The following CADM2 variants were observed in gnomAD, a reference collection of about 807,000 sequenced individuals.
CADM2 encodes the protein immunoglobulin superfamily member 4D.
In CADM2, 12 loss-of-function variants were observed where a neutral mutation model predicts 49.8. The observed-to-expected ratio is 0.24, with a 90% CI of 0.15 to 0.39. The LOEUF (loss-of-function observed/expected upper bound fraction) is 0.39. Ranked by LOEUF, CADM2 falls within the 10% of genes least tolerant of loss-of-function variation. The pLI, the probability that CADM2 is intolerant of heterozygous loss-of-function variation, is 1.00. For synonymous variants in CADM2, 214 were observed against 175.4 expected (o/e 1.22, Z -1.74); for missense variants, 378 against 492.3 (o/e 0.77, Z 2.20).
At chr3:85,240,117 A>C (rs77036893) in intron 1 of CADM2, among the ~76,000 whole-genome samples, 10,552 of 151,538 alleles carry the variant, frequency 0.07, 476 homozygotes, top group Non-Finnish European at 0.11. Context: ...CTTTGTTACC[A>C]GATTCAAGTG....
chr3:85,650,690 C>T (rs1013669438), intron 1 of CADM2, among the ~76,000 whole-genome samples: 3 of 151,522 alleles, frequency 2.0e-5, no homozygotes, highest in Non-Finnish European at 4.4e-5. Context: ...TTTAATAAGC[C>T]CATGAGCCCT....
chr3:85,315,407 G>A (rs1217953812), intron 1 of CADM2, among the ~76,000 whole-genome samples: 29 of 151,816 alleles, frequency 1.9e-4, no homozygotes, highest in Admixed American at 1.8e-3. Context: ...TATTGTTTTG[G>A]GTGACATAAT....
At chr3:86,043,380 A>G (rs922658215) in intron 8 of CADM2, among the ~76,000 whole-genome samples, 21 of 152,232 alleles carry the variant, frequency 1.4e-4, no homozygotes, top group African/African-American at 5.1e-4. Context: ...ACTTCAGAAA[A>G]GTCTCAGGAT....
At chr3:85,464,346 C>T (rs1216519833) in intron 1 of CADM2, among the ~76,000 whole-genome samples, 1 of 152,062 alleles carries the variant, frequency 6.6e-6, no homozygotes, top group Non-Finnish European at 1.5e-5. Context: ...TGCTTAGAGA[C>T]ATTTAATGAA....
At chr3:85,392,562 C>A (rs1325956074) in intron 1 of CADM2, among the ~76,000 whole-genome samples, 1 of 152,040 alleles carries the variant, frequency 6.6e-6, no homozygotes, top group Admixed American at 6.6e-5. Flanking sequence ...CCTCCTAATT[C>A]TAATAACACT....
intron 8 of CADM2, among the ~76,000 whole-genome samples, chr3:86,018,654 T>G (rs1445029700): frequency 6.6e-6 from 1 of 152,216 alleles, no homozygotes; most frequent in Non-Finnish European, 1.5e-5. Flanking sequence ...TTCATGTGTT[T>G]TTTGGCTGCA....
intron 1 of CADM2, among the ~76,000 whole-genome samples, chr3:85,158,304 C>T (rs892716671): frequency 6.6e-6 from 1 of 152,156 alleles, no homozygotes; most frequent in Non-Finnish European, 1.5e-5. Context: ...GGATCTAGAA[C>T]TAGAAATGCC....
chr3:85,933,230 T>C (rs6769012), intron 6 of CADM2, among the ~76,000 whole-genome samples: 105,491 of 150,818 alleles, frequency 0.7, 38,359 homozygotes, highest in African/African-American at 0.92. Context: ...ACCCCCACCC[T>C]CAGGAGCAGT....
At chr3:85,829,795 A>G (rs1282685853) in intron 3 of CADM2, among the ~76,000 whole-genome samples, 1 of 151,880 alleles carries the variant, frequency 6.6e-6, no homozygotes, top group Non-Finnish European at 1.5e-5. Flanking sequence ...GACTTACTTC[A>G]CTTAGCGTAA....
At chr3:85,870,176 T>C (rs139422514) in intron 3 of CADM2, among the ~76,000 whole-genome samples, 2 of 152,126 alleles carry the variant, frequency 1.3e-5, no homozygotes, top group South Asian at 4.1e-4. Flanking sequence ...ATATCTTGAA[T>C]AGGTAGATGC....
chr3:85,840,874 A>G lies in CADM2; in HGVS notation c.238+38678A>G, dbSNP rs142260340. On this transcript the variant is annotated intron_variant, in intron 3 of 9. Transcript: ENST00000383699. Reference sequence around the variant, plus strand: ...ATGTGACTTGAATTGTAAACTGGGCATATGTAGGGACTTAAAACTTCTAAA... The same window carrying G: ...ATGTGACTTGAATTGTAAACTGGGCGTATGTAGGGACTTAAAACTTCTAAA... Among the ~76,000 whole-genome samples, 206 of 151,954 alleles carry G rather than the reference A, an allele frequency of 1.4e-3. 1 individual carries two copies. Among genetic ancestry groups the G allele is most frequent in the Admixed American group, 6.2e-3 (95 of 15,208 alleles).
chr3:85,040,387 GTCTA>G (rs1433418812), intron 1 of CADM2, among the ~76,000 whole-genome samples: 4 of 152,282 alleles, frequency 2.6e-5, no homozygotes, highest in African/African-American at 9.6e-5. Flanking sequence ...TAATCAACAA[GTCTA>G]TCTTTGTTCC....
intron 1 of CADM2, among the ~76,000 whole-genome samples, chr3:85,110,546 A>G (rs992080698): frequency 1.3e-5 from 2 of 151,950 alleles, no homozygotes; most frequent in Non-Finnish European, 2.9e-5. Context: ...TATAGTGCAA[A>G]GGTACAAATC....
Position 85,779,890 on chromosome 3 carries a change from C to T in CADM2, c.89-22157C>T, listed in dbSNP as rs138013328. Among the ~76,000 whole-genome samples, 432 of 151,990 alleles carry T rather than the reference C, an allele frequency of 2.8e-3. 1 individual carries two copies. Among genetic ancestry groups the T allele is most frequent in the African/African-American group, 1.0e-2 (413 of 41,462 alleles). On this transcript the variant is annotated intron_variant, in intron 2 of 9. Coordinates refer to ENST00000383699, the MANE Select transcript of CADM2 (RefSeq NM_001167675.2). ...TTTATCTACTTAGTTATTTTAAATA[C>T]GAAAGGAGCTAGGTAGGTAGTACAA...
intron 1 of CADM2, among the ~76,000 whole-genome samples, chr3:85,335,775 G>A (rs1468886084): frequency 6.6e-6 from 1 of 151,432 alleles, no homozygotes; most frequent in Non-Finnish European, 1.5e-5. Context: ...TGTAATTCTT[G>A]AATGGTTTAC....
intron 1 of CADM2, among the ~76,000 whole-genome samples, chr3:85,391,105 T>G (rs2034496816): frequency 6.6e-6 from 1 of 152,074 alleles, no homozygotes; most frequent in Non-Finnish European, 1.5e-5. Context: ...TTACCTCCAA[T>G]GAAGTACTTA....
At chr3:85,971,772 A>T (rs1263936337) in intron 8 of CADM2, among the ~76,000 whole-genome samples, 1 of 151,714 alleles carries the variant, frequency 6.6e-6, no homozygotes, top group Non-Finnish European at 1.5e-5. Flanking sequence ...AATGTAAAAA[A>T]GTATTATAAA....
intron 1 of CADM2, among the ~76,000 whole-genome samples, chr3:85,122,951 T>C (rs2038915830): frequency 6.6e-6 from 1 of 152,074 alleles, no homozygotes; most frequent in Non-Finnish European, 1.5e-5. Flanking sequence ...TTCACCTCTA[T>C]CCTCTTCATG....
intron 1 of CADM2, among the ~76,000 whole-genome samples, chr3:85,256,820 A>T (rs1319638215): frequency 2.6e-5 from 4 of 152,114 alleles, no homozygotes; most frequent in African/African-American, 4.8e-5. Flanking sequence ...CAATGTACAA[A>T]CAGTTATATT....
Sources: allele counts gnomAD v4.1 joint callset (sites outside exome capture counted in the v4.1 genomes callset), GRCh38; gene constraint gnomAD v4.1.1; transcripts MANE v1.5; gene names NCBI Gene and HGNC (gene_info 2026-07-23, HGNC 2026-07-21).